Variants in PCDHA10 observed in about 807,000 individuals in gnomAD.
PCDHA10 encodes the protein protocadherin alpha-10.
In PCDHA10, 45 loss-of-function variants were observed where a neutral mutation model predicts 61.2. The ratio of observed to expected loss-of-function variants is 0.74; its 90% CI spans 0.58 to 0.94. PCDHA10 has a LOEUF of 0.94. Ranked by LOEUF, PCDHA10 falls within the 40% of genes least tolerant of loss-of-function variation. PCDHA10 has a pLI of 0.00. For missense variants in PCDHA10, 1,278 were observed against 1,236.2 expected (o/e 1.03, Z -0.51); for synonymous variants, 602 against 548.8 (o/e 1.10, Z -1.35).
intron 1 of PCDHA10, among the ~76,000 whole-genome samples, chr5:140,873,901 T>A (rs2153302941): frequency 6.6e-6 from 1 of 152,352 alleles, no homozygotes; most frequent in South Asian, 2.1e-4. Context: ...CCTCAGGTGA[T>A]CTGCCTGCCT....
At chr5:140,900,941 C>T (rs1241522274) in intron 1 of PCDHA10, among the ~76,000 whole-genome samples, 1 of 152,140 alleles carries the variant, frequency 6.6e-6, no homozygotes, top group African/African-American at 2.4e-5. Flanking sequence ...TTTTGATTTG[C>T]ATTTCTCTGA....
In PCDHA10 at chr5:140,856,523, G is replaced by A. The variant is rs1554148798; in HGVS notation, c.475G>A (p.Ala159Thr). Reference protein sequence around the residue: ...SRFPLEGASDADVGENALLTY... With the variant: ...SRFPLEGASDTDVGENALLTY... ...ATTTCCACTAGAAGGCGCATCTGAT[G>A]CGGATGTTGGAGAGAACGCATTGCT... The change falls in exon 1 of 4, where the codon GCG becomes ACG. Residue 159 changes from alanine to threonine, a missense_variant. Coordinates refer to ENST00000307360, the MANE Select transcript of PCDHA10 (RefSeq NM_018901.4). 6.3e-7 allele frequency: 1 copy of A among 1,598,526 alleles called. No homozygotes were observed. Among genetic ancestry groups the A allele is most frequent in the Admixed American group, 1.7e-5 (1 of 59,236 alleles).
At chr5:140,872,580 T>C (rs1554166256) in intron 1 of PCDHA10, among the ~76,000 whole-genome samples, 1 of 152,172 alleles carries the variant, frequency 6.6e-6, no homozygotes, top group Middle Eastern at 3.2e-3. Flanking sequence ...TGACCTATCA[T>C]CGTGAGACCC....
intron 1 of PCDHA10, among the ~76,000 whole-genome samples, chr5:140,910,613 C>T (rs1470911168): frequency 1.3e-5 from 2 of 152,192 alleles, no homozygotes; most frequent in Admixed American, 1.3e-4. Context: ...ACTGACTAAT[C>T]CACTCCACCA....
intron 1 of PCDHA10, among the ~76,000 whole-genome samples, chr5:140,946,700 G>T (rs2094011625): frequency 6.7e-6 from 1 of 148,322 alleles, no homozygotes; most frequent in African/African-American, 2.5e-5. Flanking sequence ...GGATGAATCT[G>T]GAGGTCATTA....
intron 1 of PCDHA10, chr5:140,871,553 G>T (rs1390415919): frequency 6.7e-7 from 1 of 1,491,208 alleles, no homozygotes; most frequent in East Asian, 2.5e-5. Context: ...TTAAAATCCA[G>T]TTTTTTTTCA....
intron 1 of PCDHA10, chr5:140,927,555 C>T (rs1554204727): frequency 8.7e-6 from 14 of 1,614,058 alleles, no homozygotes; most frequent in East Asian, 2.2e-5. Flanking sequence ...AAGTCACCAT[C>T]ATTGTGGTGG....
intron 1 of PCDHA10, among the ~76,000 whole-genome samples, chr5:140,964,650 TG>T (rs1554227136): frequency 6.6e-6 from 1 of 151,800 alleles, no homozygotes; most frequent in Non-Finnish European, 1.5e-5. Flanking sequence ...AAACAAGTAA[TG>T]GGTGAGGACA....
At position 140,856,383 on chromosome 5, in the gene PCDHA10, C is replaced by A. The variant is rs1053203263; in HGVS notation, c.335C>A (p.Pro112Gln). The change falls in exon 1 of 4, where the codon CCG becomes CAG. Residue 112 changes from proline (P) to glutamine (Q), a missense_variant. Pro to Gln is a moderately conservative substitution (Grantham distance 76). Coordinates refer to ENST00000307360, the MANE Select transcript of PCDHA10 (RefSeq NM_018901.4). ...CACCTGGAGGTGATCGTGGACAGGC[C>A]GCTGCAGGTTTTCCATGTGGACGTG... ...SIHLEVIVDR[P>Q]LQVFHVDVEV... 3.8e-6 allele frequency: 6 copies of A among 1,598,432 alleles called. No homozygotes were observed. Among genetic ancestry groups the A allele is most frequent in the Non-Finnish European group, 5.1e-6 (6 of 1,167,952 alleles).
At chr5:140,911,436 C>G (rs369054235) in intron 1 of PCDHA10, among the ~76,000 whole-genome samples, 14 of 152,124 alleles carry the variant, frequency 9.2e-5, no homozygotes, top group African/African-American at 2.4e-4. Flanking sequence ...TCCAATTTCC[C>G]GCAATTTCAG....
At chr5:140,967,046 C>G in intron 1 of PCDHA10, 1 of 1,612,334 alleles carries the variant, frequency 6.2e-7, no homozygotes, top group Non-Finnish European at 8.5e-7. Context: ...GGAGCTGGAC[C>G]TGACGAGTGG....
intron 1 of PCDHA10, among the ~76,000 whole-genome samples, chr5:140,953,252 T>C (rs557973424): frequency 3.3e-5 from 5 of 152,318 alleles, no homozygotes; most frequent in Admixed American, 1.3e-4. Context: ...TTCAGTTTAG[T>C]TCTTTTAGCT....
intron 1 of PCDHA10, chr5:140,878,013 G>A (rs1554170262): frequency 2.4e-6 from 2 of 839,000 alleles, no homozygotes; most frequent in South Asian, 2.6e-5. Context: ...TAACATTAAT[G>A]AAGGAAATAT....
In PCDHA10 at chr5:141,010,671, A is replaced by T. The variant is rs375520397; in HGVS notation, c.*734A>T. The T allele has an allele frequency of 5.7e-4, 94 of 164,082 alleles. 1 individual carries two copies. Among genetic ancestry groups the T allele is most frequent in the Non-Finnish European group, 1.2e-3 (86 of 74,622 alleles). The allele number at this position is 164,082 out of a possible 1,614,324, so 10.2% of individuals were successfully genotyped here. A position where few individuals can be genotyped will look rare whatever the true frequency, so the allele number is the denominator to read the frequency against. On this transcript the variant is annotated 3_prime_UTR_variant, in exon 4 of 4. Transcript: ENST00000307360. Reference sequence around the variant, plus strand: ...TGTTTTAACAGAGAACCACCCTGGGAAACAGAAGCAGATCTGATGTGTTTC... The same window carrying T: ...TGTTTTAACAGAGAACCACCCTGGGTAACAGAAGCAGATCTGATGTGTTTC...
intron 1 of PCDHA10, chr5:140,866,231 A>G (rs1467927263): frequency 1.3e-5 from 2 of 152,172 alleles, no homozygotes; most frequent in Non-Finnish European, 2.9e-5. Context: ...ACTAAATACT[A>G]TATACCAAAA....
At chr5:140,858,581 T>A in intron 1 of PCDHA10, 145 bp downstream of exon 1, 1 of 1,350,098 alleles carries the variant, frequency 7.4e-7, no homozygotes, top group Non-Finnish European at 1.0e-6. Flanking sequence ...CTTTGTAATA[T>A]AATTTATTCC....
chr5:140,926,311 G>C (rs2030500500), intron 1 of PCDHA10: 1 of 152,272 alleles, frequency 6.6e-6, no homozygotes, highest in South Asian at 2.1e-4. Flanking sequence ...CTCCGCCGGA[G>C]AGGTGCGCCG....
chr5:140,884,335 A>G, intron 1 of PCDHA10: 1 of 1,613,888 alleles, frequency 6.2e-7, no homozygotes, highest in Non-Finnish European at 8.5e-7. Flanking sequence ...CTGTGGGTCC[A>G]GAAGCGGCGC....
rs1444177179 is a variant in PCDHA10 at position 140,984,821 on chromosome 5, T to C, written c.2536+2258T>C. On this transcript the variant is annotated intron_variant, in intron 3 of 3. Transcript: ENST00000307360. ...CTGCCTGAATTCATATTTTCTTAAT[T>C]ACCCTTTCTGTAAATTGGGTGTAGT... Among the ~76,000 whole-genome samples, 4 of 152,192 alleles carry C rather than the reference T, an allele frequency of 2.6e-5. No individual in the cohort carries two copies. In the East Asian group the frequency reaches 7.7e-4, roughly 29 times the overall value.
Sources: gnomAD v4.1 joint callset for allele counts (sites outside exome capture counted in the v4.1 genomes callset) on GRCh38, gnomAD v4.1.1 for gene constraint, MANE v1.5 for transcripts, NCBI Gene and HGNC (gene_info 2026-07-23, HGNC 2026-07-21) for gene names.